Variants in RANBP17 observed in about 807,000 individuals in gnomAD.
RANBP17 encodes the protein ran-binding protein 17.
Under a neutral mutation model 141.2 loss-of-function variants are expected in RANBP17, and 158 were observed. The observed-to-expected ratio is 1.12, with a 90% CI of 0.98 to 1.28. The LOEUF is 1.28. Ranked by LOEUF, RANBP17 falls within the 50% of genes most tolerant of loss-of-function variation. The pLI is 0.00. For missense variants in RANBP17, 1,438 were observed against 1,290.7 expected, an observed-to-expected ratio of 1.11 and a Z score of -1.75; for synonymous variants, 430 against 450.0, an observed-to-expected ratio of 0.96 and a Z score of 0.56.
intron 18 of RANBP17, among the ~76,000 whole-genome samples, chr5:171,199,373 C>T (rs1314549391): frequency 6.6e-6 from 1 of 151,824 alleles, no homozygotes; most frequent in Admixed American, 6.6e-5. Context: ...TAGAGAAGCT[C>T]TAGGGGCCCT....
chr5:171,225,156 TGG>T (rs1335297568), intron 22 of RANBP17, among the ~76,000 whole-genome samples: 2 of 152,228 alleles, frequency 1.3e-5, no homozygotes, highest in Non-Finnish European at 2.9e-5. Context: ...ATACTGACAG[TGG>T]TCTTTTCATA....
At chr5:171,290,225 C>G (rs1041038234) in intron 25 of RANBP17, among the ~76,000 whole-genome samples, 2 of 151,886 alleles carry the variant, frequency 1.3e-5, no homozygotes, top group East Asian at 3.9e-4. Context: ...AAAAATTAGC[C>G]GGGCGTGGTG....
At chr5:171,181,009 T>C (rs1760826752) in intron 16 of RANBP17, among the ~76,000 whole-genome samples, 2 of 152,214 alleles carry the variant, frequency 1.3e-5, no homozygotes, top group Non-Finnish European at 2.9e-5. Context: ...AGAATTCTAT[T>C]TGGTAATTAC....
chr5:170,961,592 A>C (rs1776151710), intron 13 of RANBP17, among the ~76,000 whole-genome samples: 1 of 152,204 alleles, frequency 6.6e-6, no homozygotes, highest in Admixed American at 6.5e-5. Flanking sequence ...CTCAAAGGTC[A>C]TGCTTAAAGG....
intron 14 of RANBP17, among the ~76,000 whole-genome samples, chr5:171,090,879 C>T (rs751575950): frequency 6.6e-6 from 1 of 152,180 alleles, no homozygotes; most frequent in African/African-American, 2.4e-5. Context: ...GTACCTCTGC[C>T]TAGACCTCAA....
At chr5:171,043,115 T>C (rs2127638429) in intron 14 of RANBP17, among the ~76,000 whole-genome samples, 1 of 152,316 alleles carries the variant, frequency 6.6e-6, no homozygotes, top group African/African-American at 2.4e-5. Flanking sequence ...AGTATTTTCA[T>C]GCAGATATTC....
At chr5:171,258,456 G>A (rs1274863029) in intron 24 of RANBP17, among the ~76,000 whole-genome samples, 1 of 152,036 alleles carries the variant, frequency 6.6e-6, no homozygotes, top group East Asian at 1.9e-4. Context: ...TCAGCTGTAG[G>A]CATTGCATTA....
intron 16 of RANBP17, among the ~76,000 whole-genome samples, chr5:171,172,173 T>C (rs1760141255): frequency 6.6e-6 from 1 of 151,934 alleles, no homozygotes; most frequent in African/African-American, 2.4e-5. Flanking sequence ...TAAAATTGTA[T>C]TCCTTGGTAA....
At chr5:171,146,275 C>G (rs1231630466) in intron 14 of RANBP17, among the ~76,000 whole-genome samples, 1 of 152,110 alleles carries the variant, frequency 6.6e-6, no homozygotes, top group Non-Finnish European at 1.5e-5. Context: ...ATAAGGCTTT[C>G]TTTGTAGAAA....
At chr5:171,009,635 T>C (rs1040695159) in intron 14 of RANBP17, among the ~76,000 whole-genome samples, 1 of 152,014 alleles carries the variant, frequency 6.6e-6, no homozygotes, top group African/African-American at 2.4e-5. Flanking sequence ...TCAACTTCAG[T>C]GTGACTGAGG....
chr5:171,115,640 G>A (rs1267185252), intron 14 of RANBP17, among the ~76,000 whole-genome samples: 1 of 152,176 alleles, frequency 6.6e-6, no homozygotes, highest in African/African-American at 2.4e-5. Context: ...GGAATGCTTT[G>A]TAGGTCTGCC....
intron 25 of RANBP17, among the ~76,000 whole-genome samples, chr5:171,279,313 G>T (rs1767709595): frequency 6.6e-6 from 1 of 152,190 alleles, no homozygotes; most frequent in African/African-American, 2.4e-5. Flanking sequence ...GAATACCGTA[G>T]ATTGAGTAAT....
chr5:171,117,651 G>A (rs765142496), intron 14 of RANBP17, among the ~76,000 whole-genome samples: 27 of 151,830 alleles, frequency 1.8e-4, no homozygotes, highest in Non-Finnish European at 2.8e-4. Flanking sequence ...ACGCCATGAC[G>A]TCCAGCTAAT....
At chr5:170,967,477 C>G (rs1321679320) in intron 13 of RANBP17, among the ~76,000 whole-genome samples, 3 of 151,744 alleles carry the variant, frequency 2.0e-5, no homozygotes, top group Non-Finnish European at 4.4e-5. Context: ...CGGTCATCCA[C>G]CAGAAAATTT....
At chr5:171,251,752 T>G in intron 24 of RANBP17, 1 of 848,294 alleles carries the variant, frequency 1.2e-6, no homozygotes, top group Non-Finnish European at 2.0e-6. Flanking sequence ...GGTGGCCCCG[T>G]TCCCCTCCTC....
intron 1 of RANBP17, chr5:170,866,756 A>G (rs1767297412): frequency 6.6e-6 from 1 of 152,160 alleles, no homozygotes; most frequent in South Asian, 2.1e-4. Flanking sequence ...ATTTTTTTAT[A>G]TCTTTCTAGA....
chr5:171,237,425 C>T (rs781255553), intron 22 of RANBP17, among the ~76,000 whole-genome samples: 1 of 152,126 alleles, frequency 6.6e-6, no homozygotes, highest in Non-Finnish European at 1.5e-5. Context: ...TTCCATAGTA[C>T]TTGTGCCTCC....
chr5:171,273,383 A>G (rs1252148535), intron 25 of RANBP17, among the ~76,000 whole-genome samples: 1 of 152,210 alleles, frequency 6.6e-6, no homozygotes, highest in Non-Finnish European at 1.5e-5. Context: ...CATTATAACT[A>G]TACCAGGTGT....
At chr5:170,866,223 A>G (rs1561837540) in intron 1 of RANBP17, among the ~76,000 whole-genome samples, 1 of 151,484 alleles carries the variant, frequency 6.6e-6, no homozygotes, top group Non-Finnish European at 1.5e-5. Flanking sequence ...TATGATATAC[A>G]TTACCTTTCA....
Sources: allele counts gnomAD v4.1 joint callset (sites outside exome capture counted in the v4.1 genomes callset), GRCh38; gene constraint gnomAD v4.1.1; transcripts MANE v1.5; gene names NCBI Gene and HGNC (gene_info 2026-07-23, HGNC 2026-07-21).